Variants in PC observed in about 807,000 individuals in gnomAD.
PC encodes pyruvate carboxylase, mitochondrial.
PC carries 46 observed loss-of-function variants against 107.8 expected under a neutral mutation model. The observed-to-expected ratio is 0.43, with a 90% confidence interval of 0.34 to 0.55. The LOEUF is 0.55. Ranked by LOEUF, PC falls within the 20% of genes least tolerant of loss-of-function variation. The pLI is 0.04. For synonymous variants in PC, 662 were observed against 684.7 expected (o/e 0.97, Z 0.52); for missense variants, 1,241 against 1,643.1 (o/e 0.76, Z 4.23).
At position 66,870,350 on chromosome 11, in the gene PC, C is replaced by T. The variant is rs200478006; in HGVS notation, c.855G>A (p.Pro285=). 106 of 1,613,602 alleles carry T rather than the reference C, an allele frequency of 6.6e-5. No individual in the cohort carries two copies. The highest frequency in any genetic ancestry group is 1.4e-4 in the South Asian group (13 of 91,080). The change falls in exon 9 of 23, where the codon CCG becomes CCA. Residue 285 remains proline, a synonymous_variant. Coordinates refer to ENST00000393960, the MANE Select transcript of PC (RefSeq NM_001040716.2). The surrounding 1 kb of genome is among the most constrained non-coding windows in gnomAD (Gnocchi z 6.1). ...VEIAPAAHLD[P]QLRTRLTSDS... is the part of the protein sequence containing the mutation. ...CGCTGGTGAGCCGAGTCCGAAGCTG[C>T]GGGTCCAGGTGGGCGGCGGGGGCAA...
At chr11:66,952,688 A>AT (rs1949467770) in intron 2 of PC, among the ~76,000 whole-genome samples, 1 of 152,174 alleles carries the variant, frequency 6.6e-6, no homozygotes, top group African/African-American at 2.4e-5. Context: ...GATTACAGGC[A>AT]TGTGCCACCA....
rs1945535739 is a variant in PC at position 66,852,115 on chromosome 11, T to C, written c.1826-169A>G. Among the ~76,000 whole-genome samples the C allele has an allele frequency of 6.6e-6, 1 of 152,208 alleles. No homozygotes were observed. The highest frequency in any genetic ancestry group is 1.5e-5 in the Non-Finnish European group (1 of 68,026). ...CCCCACAGATTTTTCCCTTGTCTGA[T>C]CTCTAAGGGGGAGACCAGGCTCATT... On this transcript the variant is annotated intron_variant, in intron 15 of 22. Transcript: ENST00000393960. The surrounding 1 kb of genome is among the most constrained non-coding windows in gnomAD (Gnocchi z 4.7).
Position 66,849,380 on chromosome 11 carries a change from G to A in PC, c.3148-10C>T, listed in dbSNP as rs772718644. The A allele has an allele frequency of 1.1e-5, 18 of 1,612,010 alleles. No homozygotes were observed. In the Admixed American group the frequency reaches 1.7e-4, roughly 15 times the overall value. On this transcript the variant is annotated splice_polypyrimidine_tract_variant and intron_variant, in intron 21 of 22. Coordinates refer to ENST00000393960, the MANE Select transcript of PC (RefSeq NM_001040716.2). ...CCCGCTCCAGCTCCACCTGCAGGGA[G>A]GGTGTGCAGACTCAGAGCTGGACGC...
At chr11:66,880,187 T>C (rs140232373) in intron 3 of PC, among the ~76,000 whole-genome samples, 5 of 152,270 alleles carry the variant, frequency 3.3e-5, no homozygotes, top group Non-Finnish European at 7.4e-5. Flanking sequence ...ACCCAGGCCT[T>C]TCCAGAATCA....
At chr11:66,876,707 C>A (rs1946992863) in intron 3 of PC, among the ~76,000 whole-genome samples, 1 of 152,220 alleles carries the variant, frequency 6.6e-6, no homozygotes, top group South Asian at 2.1e-4. Context: ...TCTTTCCCAG[C>A]TGGGAGCAGG....
intron 3 of PC, among the ~76,000 whole-genome samples, chr11:66,897,137 T>G (rs192949669): frequency 4.2e-4 from 64 of 152,250 alleles, no homozygotes; most frequent in African/African-American, 1.5e-3. Flanking sequence ...TTTCACCATG[T>G]TGGCCAGGCT....
rs573332238 is a variant in PC, at chr11:66,922,231, C to G, written c.-1+30199G>C. ...AACTTTCACTCAATAAATAACTGCA[C>G]CATTCTAAGATTAAAACAGTCTTTC... On this transcript the variant is annotated intron_variant, in intron 3 of 22. Transcript: ENST00000393960. 2.0e-5 allele frequency among the ~76,000 whole-genome samples: 3 copies of G among 152,202 alleles called. No individual in the cohort carries two copies. The East Asian group carries it at 5.8e-4, about 29-fold the overall frequency.
intron 3 of PC, among the ~76,000 whole-genome samples, chr11:66,902,983 G>A (rs1415675065): frequency 6.6e-6 from 1 of 152,216 alleles, no homozygotes; most frequent in Non-Finnish European, 1.5e-5. Flanking sequence ...CTACACCACC[G>A]CAGCCCATCC....
Position 66,852,776 on chromosome 11 carries a change from G to A in PC, c.1574C>T (p.Thr525Met), listed in dbSNP as rs146840773. ...GGGCACTGCAGGGACAACGGGGTCC[G>A]TGGGGCTGGGGCTGGCCTTGACGGG... is the stretch of plus-strand genomic sequence containing the variant. ...PIPVKASPSP[T>M]DPVVPAVPIG... Residue 525 changes from threonine to methionine, a missense_variant, in exon 14 of 23, where the codon ACG (threonine) becomes ATG (methionine). Thr to Met is a moderately conservative substitution (Grantham distance 81, BLOSUM62 -1). Coordinates refer to ENST00000393960, the MANE Select transcript of PC (RefSeq NM_001040716.2). The surrounding 1 kb of genome is among the most constrained non-coding windows in gnomAD (Gnocchi z 4.7). The A allele has an allele frequency of 8.0e-5, 128 of 1,603,408 alleles. No homozygotes were observed. Among genetic ancestry groups the A allele is most frequent in the African/African-American group, 5.9e-4 (44 of 74,882 alleles).
At position 66,924,369 on chromosome 11, in the gene PC, C is replaced by CAAAAAAAAAAAAAA. The variant is rs71045970; in HGVS notation, c.-1+28047_-1+28060dup. Among the ~76,000 whole-genome samples, 148 of 65,548 alleles carry CAAAAAAAAAAAAAA rather than the reference C, an allele frequency of 2.3e-3. 6 individuals are homozygous for CAAAAAAAAAAAAAA. Among genetic ancestry groups the CAAAAAAAAAAAAAA allele is most frequent in the African/African-American group, 4.8e-3 (79 of 16,438 alleles). The allele number at this position is 65,548 out of a possible 152,430, so 43.0% of individuals were successfully genotyped here. On this transcript the variant is annotated intron_variant, in intron 3 of 22. Transcript: ENST00000393960. ...TAACATAGCAAGACCCCATCTCTACCAAAAAAAAAAAAAAAAAAAATTAGC... is the reference window on the plus strand; with the variant it reads ...TAACATAGCAAGACCCCATCTCTACCAAAAAAAAAAAAAAAAAAAAAAAAAAAAAAAAAATTAGC...
In PC at chr11:66,849,211, G is replaced by A; in HGVS notation, c.3288+19C>T. On this transcript the variant is annotated intron_variant, in intron 22 of 22. Coordinates refer to ENST00000393960, the MANE Select transcript of PC (RefSeq NM_001040716.2). ...CCAGCCAAGCCCCACCGCCTGGCTG[G>A]CCCTGGGGGAGACAATACCTTCATG... 6.2e-7 allele frequency: 1 copy of A among 1,613,762 alleles called. No homozygotes were observed. The highest frequency in any genetic ancestry group is 1.7e-5 in the Admixed American group (1 of 60,020).
intron 21 of PC, 38 bp downstream of exon 21, chr11:66,849,573 G>T (rs1565208407): frequency 6.2e-7 from 1 of 1,613,848 alleles, no homozygotes; most frequent in South Asian, 1.1e-5. Flanking sequence ...GGGGCAGGGG[G>T]CCAGGGTGGA....
chr11:66,870,767 C>G lies in PC; in HGVS notation c.751+8G>C, dbSNP rs1328537605. 5 of 1,609,532 alleles carry G rather than the reference C, an allele frequency of 3.1e-6. No individual in the cohort carries two copies. Among genetic ancestry groups the G allele is most frequent in the Non-Finnish European group, 2.5e-6 (3 of 1,178,236 alleles). On this transcript the variant is annotated splice_region_variant and intron_variant, in intron 8 of 22. Transcript: ENST00000393960. This position sits in a 1 kb window ranked among gnomAD's most constrained non-coding sequence, Gnocchi z 6.1. Reference sequence around the variant, plus strand: ...AGCTGCCCCAGGCGGGGCGTCAGGACCACTCACCCAAGATCTGCACCTCGA... The same window carrying G: ...AGCTGCCCCAGGCGGGGCGTCAGGAGCACTCACCCAAGATCTGCACCTCGA...
chr11:66,900,178 G>GTT (rs71045968), intron 3 of PC, among the ~76,000 whole-genome samples: 29,044 of 107,354 alleles, frequency 0.27, 5,383 homozygotes, highest in Middle Eastern at 0.33. Flanking sequence ...CTCCAACGTT[G>GTT]TTTTTTTTTT....
chr11:66,859,488 C>G, intron 12 of PC: 1 of 1,452,714 alleles, frequency 6.9e-7, no homozygotes, highest in Non-Finnish European at 9.1e-7. Flanking sequence ...CCTGGCCACA[C>G]TCTCCAGCCT....
At chr11:66,921,093 T>G (rs754347316) in intron 3 of PC, among the ~76,000 whole-genome samples, 33 of 151,034 alleles carry the variant, frequency 2.2e-4, no homozygotes, top group Non-Finnish European at 3.5e-4. Context: ...ACGAAATGCC[T>G]TACTTGGCCC....
rs543350180 is a variant in PC at position 66,891,257 on chromosome 11, A to G, written c.1-19098T>C. Among the ~76,000 whole-genome samples, 3 of 151,760 alleles carry G rather than the reference A, an allele frequency of 2.0e-5. No individual in the cohort carries two copies. The South Asian group carries it at 6.2e-4, about 32-fold the overall frequency. ...GTATTTTTAGTAGAGACAGGGTTTC[A>G]CCATGTTGGCCAGGCTGGTCTTTAC... On this transcript the variant is annotated intron_variant, in intron 3 of 22. Coordinates refer to ENST00000393960, the MANE Select transcript of PC (RefSeq NM_001040716.2).
intron 3 of PC, among the ~76,000 whole-genome samples, chr11:66,917,771 A>ACC (rs1948498138): frequency 6.6e-6 from 1 of 152,202 alleles, no homozygotes; most frequent in Non-Finnish European, 1.5e-5. Context: ...AATAACGGAG[A>ACC]AATTTATCTG....
Position 66,849,749 on chromosome 11 carries a change from C to G in PC, c.3009G>C (p.Thr1003=). Residue 1003 remains threonine (T), a synonymous_variant, in exon 21 of 23, where the codon ACG becomes ACC. Coordinates refer to ENST00000393960, the MANE Select transcript of PC (RefSeq NM_001040716.2). ...ELVDRHGEEV[T]PEDVLSAAMY... ...TAGCTGCTGAGAGCACATCTTCCGG[C>G]GTCACCTCCTCCCCATGCCGGTCTA... 3 of 1,614,194 alleles carry G rather than the reference C, an allele frequency of 1.9e-6. No individual in the cohort carries two copies. Among genetic ancestry groups the G allele is most frequent in the Non-Finnish European group, 2.5e-6 (3 of 1,180,036 alleles).
Sources: allele counts gnomAD v4.1 joint callset (sites outside exome capture counted in the v4.1 genomes callset), GRCh38; gene constraint gnomAD v4.1.1; non-coding constraint Gnocchi (gnomAD v3.1); transcripts MANE v1.5; gene names NCBI Gene and HGNC (gene_info 2026-07-23, HGNC 2026-07-21).